Variants in THSD7B observed in about 807,000 individuals in gnomAD.
THSD7B encodes thrombospondin type 1 domain containing 7B, also known as thrombospondin type-1 domain-containing protein 7B.
A neutral mutation model predicts 213.6 loss-of-function variants in THSD7B; 138 were observed. The observed-to-expected ratio is 0.65, with a 90% CI of 0.56 to 0.74. The LOEUF (loss-of-function observed/expected upper bound fraction) is 0.74, where lower values mean the gene tolerates loss of function less well. Among genes scored for constraint, THSD7B ranks in the 30% least tolerant of loss-of-function variants. The pLI is 0.00. For synonymous variants in THSD7B, 742 were observed against 687.0 expected (o/e 1.08, Z -1.25); for missense variants, 1,931 against 1,991.5 (o/e 0.97, Z 0.58).
At chr2:137,654,748 T>C (rs1450362516) in intron 21 of THSD7B, among the ~76,000 whole-genome samples, 2 of 152,184 alleles carry the variant, frequency 1.3e-5, no homozygotes, top group African/African-American at 4.8e-5. Flanking sequence ...AATATTTGTT[T>C]TTGGTTTTCT....
intron 17 of THSD7B, among the ~76,000 whole-genome samples, chr2:137,577,971 T>C (rs1455833436): frequency 6.6e-6 from 1 of 152,228 alleles, no homozygotes; most frequent in African/African-American, 2.4e-5. Context: ...TGGAATATCA[T>C]TGGATTTCTT....
chr2:137,124,559 CA>C (rs929472059), intron 5 of THSD7B, among the ~76,000 whole-genome samples: 4 of 152,004 alleles, frequency 2.6e-5, no homozygotes, highest in African/African-American at 9.7e-5. Context: ...CTCAAGCACA[CA>C]GGGGAAAGGG....
chr2:137,583,406 C>T (rs1288157687), intron 17 of THSD7B, among the ~76,000 whole-genome samples: 2 of 152,124 alleles, frequency 1.3e-5, no homozygotes, highest in African/African-American at 2.4e-5. Context: ...GACACGAAGT[C>T]CTTGCCCATG....
chr2:137,546,598 C>T (rs538280567), intron 15 of THSD7B, among the ~76,000 whole-genome samples: 2 of 137,268 alleles, frequency 1.5e-5, no homozygotes, highest in African/African-American at 5.5e-5. Context: ...TTTGGGGATA[C>T]TGGGGTTTTT....
intron 20 of THSD7B, among the ~76,000 whole-genome samples, chr2:137,625,560 G>A (rs1682609572): frequency 1.3e-5 from 2 of 152,198 alleles, no homozygotes; most frequent in African/African-American, 2.4e-5. Context: ...GGCATGAAAT[G>A]TTAAATTTCT....
chr2:137,373,032 C>A (rs372093647), intron 12 of THSD7B, among the ~76,000 whole-genome samples: 3,438 of 151,612 alleles, frequency 0.023, 128 homozygotes, highest in African/African-American at 0.079. Context: ...TGAACTCATC[C>A]TTTTTTATGG....
chr2:137,629,835 C>T (rs1303277295), intron 20 of THSD7B, among the ~76,000 whole-genome samples: 5 of 152,112 alleles, frequency 3.3e-5, no homozygotes, highest in Admixed American at 3.3e-4. Flanking sequence ...AGGATGGTGC[C>T]ATAGCTCTTG....
At chr2:137,210,199 G>A (rs1291193815) in intron 7 of THSD7B, among the ~76,000 whole-genome samples, 1 of 152,024 alleles carries the variant, frequency 6.6e-6, no homozygotes, top group Non-Finnish European at 1.5e-5. Flanking sequence ...AACACAGCAT[G>A]ATACTCATTT....
chr2:137,186,676 AT>A (rs1390408282), intron 7 of THSD7B, among the ~76,000 whole-genome samples: 1 of 152,036 alleles, frequency 6.6e-6, no homozygotes, highest in Non-Finnish European at 1.5e-5. Context: ...TTTGCTTAGG[AT>A]TACTTTGACT....
intron 1 of THSD7B, among the ~76,000 whole-genome samples, chr2:136,873,761 T>C (rs1683481932): frequency 6.6e-6 from 1 of 152,184 alleles, no homozygotes; most frequent in South Asian, 2.1e-4. Context: ...CACTCATCTA[T>C]ACACTTTATA....
intron 14 of THSD7B, among the ~76,000 whole-genome samples, chr2:137,436,914 G>C (rs1479620873): frequency 6.6e-6 from 1 of 152,056 alleles, no homozygotes; most frequent in Non-Finnish European, 1.5e-5. Context: ...TGAAATCAAA[G>C]CCAGAGCCAA....
At chr2:137,319,000 CAT>C (rs1684201455) in intron 12 of THSD7B, among the ~76,000 whole-genome samples, 1 of 151,714 alleles carries the variant, frequency 6.6e-6, no homozygotes, top group African/African-American at 2.4e-5. Flanking sequence ...TAATGAATAA[CAT>C]ATCTAGAAAC....
intron 17 of THSD7B, among the ~76,000 whole-genome samples, chr2:137,615,424 C>T (rs1018239082): frequency 2.0e-5 from 3 of 152,072 alleles, no homozygotes; most frequent in South Asian, 2.1e-4. Flanking sequence ...GAAGATTGTT[C>T]GAGTAGGAGG....
At chr2:137,560,539 A>T (rs6723115) in intron 15 of THSD7B, among the ~76,000 whole-genome samples, 5 of 151,854 alleles carry the variant, frequency 3.3e-5, no homozygotes, top group East Asian at 1.9e-4. Flanking sequence ...AGGAGGGGGA[A>T]CATCACACAC....
chr2:137,642,390 T>G (rs1682956184), intron 20 of THSD7B, 98 bp from the exon 21 acceptor site: 2 of 1,423,240 alleles, frequency 1.4e-6, no homozygotes, highest in African/African-American at 2.9e-5. Flanking sequence ...TTCAGTCTAT[T>G]AAAATGAAGA....
At chr2:137,404,463 AT>A in intron 12 of THSD7B, among the ~76,000 whole-genome samples, 1 of 109,698 alleles carries the variant, frequency 9.1e-6, no homozygotes, top group African/African-American at 3.7e-5. Context: ...ATATATATAT[AT>A]ATATATATAT....
intron 27 of THSD7B, among the ~76,000 whole-genome samples, chr2:137,670,166 A>C (rs1327149016): frequency 6.6e-6 from 1 of 152,140 alleles, no homozygotes; most frequent in Non-Finnish European, 1.5e-5. Context: ...GTCTGCCTTT[A>C]ATAATGTCCC....
chr2:136,870,422 G>C (rs561652940), intron 1 of THSD7B, among the ~76,000 whole-genome samples: 1 of 152,288 alleles, frequency 6.6e-6, no homozygotes, highest in South Asian at 2.1e-4. Context: ...AATATACTAG[G>C]AACTGGACAT....
chr2:137,632,675 A>C (rs1682763172), intron 20 of THSD7B, among the ~76,000 whole-genome samples: 1 of 152,184 alleles, frequency 6.6e-6, no homozygotes, highest in South Asian at 2.1e-4. Context: ...TATCCAAGCA[A>C]TGTCAAAAGT....
Sources: gnomAD v4.1 joint callset for allele counts (sites outside exome capture counted in the v4.1 genomes callset) on GRCh38, gnomAD v4.1.1 for gene constraint, MANE v1.5 for transcripts, NCBI Gene and HGNC (gene_info 2026-07-23, HGNC 2026-07-21) for gene names.